NYNRIN: variants seen among roughly 807,000 people sequenced by gnomAD.
NYNRIN encodes protein NYNRIN.
A neutral mutation model predicts 146.6 loss-of-function variants in NYNRIN; 86 were observed. That is an observed-to-expected ratio of 0.59 (90% CI 0.49 to 0.70). NYNRIN has a LOEUF of 0.70. NYNRIN is among the 30% of genes least tolerant of loss of function. The pLI is 0.00. For missense variants in NYNRIN, 2,191 were observed against 2,377.7 expected, an observed-to-expected ratio of 0.92 and a Z score of 1.63; for synonymous variants, 1,027 against 1,001.3, an observed-to-expected ratio of 1.03 and a Z score of -0.48.
At position 24,408,323 on chromosome 14, in the gene NYNRIN, C is replaced by T. The variant is rs544385173; in HGVS notation, c.653C>T (p.Pro218Leu). Residue 218 changes from proline to leucine, a missense_variant, in exon 3 of 9, where the codon CCG becomes CTG. Around this residue, in one of 3 missense-constraint regions of NYNRIN, gnomAD observed 895 missense variants for 941.2 expected, o/e 0.95. Coordinates refer to ENST00000382554, the MANE Select transcript of NYNRIN (RefSeq NM_025081.3). ...RFGISDSHSD[P>L]EVLICPPQQQ... ...GGCATCTCTGACTCCCACTCCGATCCGGAGGTTCTAATCTGCCCTCCCCAG... is the reference window on the plus strand; with the variant it reads ...GGCATCTCTGACTCCCACTCCGATCTGGAGGTTCTAATCTGCCCTCCCCAG... 34 of 1,613,648 alleles carry T rather than the reference C, an allele frequency of 2.1e-5. No homozygotes were observed. Among genetic ancestry groups the T allele is most frequent in the East Asian group, 8.9e-5 (4 of 44,874 alleles).
Position 24,417,189 on chromosome 14 carries a change from A to C in NYNRIN, c.5440A>C (p.Asn1814His), listed in dbSNP as rs760041145. The change falls in exon 9 of 9, where the codon AAC becomes CAC. Residue 1814 changes from asparagine (N) to histidine (H), a missense_variant. This residue lies in a region of NYNRIN where 1,291 missense variants were observed against 1,417.0 expected (regional missense o/e 0.91). Transcript: ENST00000382554. ...VADKASEKAENRRFKRESQEK... is the reference protein window; with the variant it reads ...VADKASEKAEHRRFKRESQEK... ...TGACAAGGCGAGTGAAAAGGCCGAGAACAGGCGTTTCAAGCGGGAGAGCCA... is the reference window on the plus strand; with the variant it reads ...TGACAAGGCGAGTGAAAAGGCCGAGCACAGGCGTTTCAAGCGGGAGAGCCA... The C allele has an allele frequency of 6.2e-7, 1 of 1,613,944 alleles. No individual in the cohort carries two copies. The highest frequency in any genetic ancestry group is 8.5e-7 in the Non-Finnish European group (1 of 1,179,906).
At chr14:24,413,268 T>G (rs755118132) in intron 7 of NYNRIN, 48 bp from the exon 8 acceptor site, 2 of 1,548,270 alleles carry the variant, frequency 1.3e-6, no homozygotes, top group Non-Finnish European at 1.8e-6. Flanking sequence ...AGGGTGTGGG[T>G]GGGTCAAGGG....
chr14:24,410,663 G>A (rs990940874), intron 4 of NYNRIN, among the ~76,000 whole-genome samples: 8 of 152,352 alleles, frequency 5.3e-5, no homozygotes, highest in African/African-American at 1.9e-4. Flanking sequence ...CTGCTGTAGA[G>A]GTGTTAGCAT....
At position 24,409,141 on chromosome 14, in the gene NYNRIN, G is replaced by T; in HGVS notation, c.1347G>T (p.Arg449Ser). Residue 449 changes from arginine to serine, a missense_variant, in exon 4 of 9, where the codon AGG becomes AGT. This residue lies in a region of NYNRIN where 895 missense variants were observed against 941.2 expected (regional missense o/e 0.95). Coordinates refer to ENST00000382554, the MANE Select transcript of NYNRIN (RefSeq NM_025081.3). ...AAGCAGCCCTGCAGAATTGCCCAAG[G>T]CCAGAGATTTCCCCAAAAGTTACGA... ...GGEAALQNCPRPEISPKVTSL... is the reference protein window; with the variant it reads ...GGEAALQNCPSPEISPKVTSL... 6.2e-7 allele frequency: 1 copy of T among 1,613,964 alleles called. No individual in the cohort carries two copies. Among genetic ancestry groups the T allele is most frequent in the Non-Finnish European group, 8.5e-7 (1 of 1,179,890 alleles).
chr14:24,410,864 T>C (rs949096929), intron 4 of NYNRIN, among the ~76,000 whole-genome samples: 2 of 152,134 alleles, frequency 1.3e-5, no homozygotes, highest in Non-Finnish European at 2.9e-5. Flanking sequence ...CACAGGTACA[T>C]GCACACACAC....
chr14:24,410,348 C>A, intron 4 of NYNRIN, 140 bp downstream of exon 4: 1 of 679,830 alleles, frequency 1.5e-6, no homozygotes, highest in Non-Finnish European at 2.4e-6. Context: ...GTGGTCCATC[C>A]ATGTTGAATG....
chr14:24,408,736 C>T lies in NYNRIN; in HGVS notation c.942C>T (p.Asn314=), dbSNP rs1298584877. The T allele has an allele frequency of 1.2e-6, 2 of 1,613,958 alleles. No homozygotes were observed. The highest frequency in any genetic ancestry group is 8.5e-7 in the Non-Finnish European group (1 of 1,179,856). ...CCACCAGCAGCCAGGACTCCACGAA[C>T]CACACACAAGCCTTGTTGAAGCAAA... ...VQATSSQDST[N]HTQALLKQRQ... is the part of the protein sequence containing the mutation. Residue 314 remains asparagine (N), a synonymous_variant, in exon 4 of 9, where the codon AAC becomes AAT. Coordinates refer to ENST00000382554, the MANE Select transcript of NYNRIN (RefSeq NM_025081.3).
intron 2 of NYNRIN, among the ~76,000 whole-genome samples, chr14:24,405,696 T>C (rs1422722168): frequency 6.6e-6 from 1 of 152,232 alleles, no homozygotes; most frequent in Non-Finnish European, 1.5e-5. Context: ...ATCTTGGACA[T>C]ATGGCCTTCC....
At position 24,417,462 on chromosome 14, in the gene NYNRIN, G is replaced by A. The variant is rs1054213206; in HGVS notation, c.*16G>A. On this transcript the variant is annotated 3_prime_UTR_variant, in exon 9 of 9. Coordinates refer to ENST00000382554, the MANE Select transcript of NYNRIN (RefSeq NM_025081.3). Reference sequence around the variant, plus strand: ...GGAGCAGTGAGCGGGAGCAGCGGGGGTGCCCCCTGCCCCAGGGCCGTGGGT... The same window carrying A: ...GGAGCAGTGAGCGGGAGCAGCGGGGATGCCCCCTGCCCCAGGGCCGTGGGT... The A allele has an allele frequency of 2.1e-6, 3 of 1,455,312 alleles. No individual in the cohort carries two copies. Among genetic ancestry groups the A allele is most frequent in the Non-Finnish European group, 2.7e-6 (3 of 1,104,378 alleles). The allele number at this position is 1,455,312 out of a possible 1,614,324, so 90.1% of individuals were successfully genotyped here.
At chr14:24,405,421 T>C (rs2042870537) in intron 2 of NYNRIN, among the ~76,000 whole-genome samples, 1 of 152,236 alleles carries the variant, frequency 6.6e-6, no homozygotes, top group Non-Finnish European at 1.5e-5. Context: ...AATACAGTGC[T>C]CTTTTTCTGT....
Position 24,417,619 on chromosome 14 carries a change from T to A in NYNRIN, c.*173T>A. 2.2e-6 allele frequency: 2 copies of A among 929,144 alleles called. No individual in the cohort carries two copies. The highest frequency in any genetic ancestry group is 2.9e-5 in the East Asian group (1 of 34,420). 57.6% of individuals were successfully genotyped at this position (929,144 alleles called of 1,614,324 possible). A position where few individuals can be genotyped will look rare whatever the true frequency, so the allele number is the denominator to read the frequency against. ...CTTGAACTAGGGACCAGCATCCCCA[T>A]GGAAACATCCCCAGTTTGGGGTACT... On this transcript the variant is annotated 3_prime_UTR_variant, in exon 9 of 9. Coordinates refer to ENST00000382554, the MANE Select transcript of NYNRIN (RefSeq NM_025081.3).
chr14:24,403,039 G>A (rs1003223021), intron 2 of NYNRIN, among the ~76,000 whole-genome samples: 18 of 152,106 alleles, frequency 1.2e-4, no homozygotes, highest in Non-Finnish European at 1.9e-4. Context: ...TCCCATTATC[G>A]TATGTGAGGA....
rs111877721 is a variant in NYNRIN, at chr14:24,409,552, C to A, written c.1758C>A (p.Pro586=). 1 of 1,611,840 alleles carries A rather than the reference C, an allele frequency of 6.2e-7. No homozygotes were observed. The highest frequency in any genetic ancestry group is 1.1e-5 in the South Asian group (1 of 90,674). Residue 586 remains proline (P), a synonymous_variant, in exon 4 of 9, where the codon CCC becomes CCA. Coordinates refer to ENST00000382554, the MANE Select transcript of NYNRIN (RefSeq NM_025081.3). ...CAGTGCACACAGAGCCTGCAGCTCC[C>A]GAAGTGCCTTTGGCTCCAACAAAGC... ...MLAVHTEPAA[P]EVPLAPTKPT... is the part of the protein sequence containing the mutation.
chr14:24,410,949 G>A (rs923212176), intron 4 of NYNRIN, 127 bp from the exon 5 acceptor site: 1 of 1,148,032 alleles, frequency 8.7e-7, no homozygotes, highest in Non-Finnish European at 1.2e-6. Context: ...GAATGTCTGA[G>A]TATGGAGGGA....
chr14:24,416,733 G>A lies in NYNRIN; in HGVS notation c.4984G>A (p.Val1662Met). 6.2e-7 allele frequency: 1 copy of A among 1,613,940 alleles called. No individual in the cohort carries two copies. Among genetic ancestry groups the A allele is most frequent in the African/African-American group, 1.3e-5 (1 of 75,072 alleles). Reference sequence around the variant, plus strand: ...CTACACACACACGGCTGTGGCCCAGGTGCTGCTTCAGCATGTGTTTGCAAG... The same window carrying A: ...CTACACACACACGGCTGTGGCCCAGATGCTGCTTCAGCATGTGTTTGCAAG... The part of the protein sequence containing the change: ...KPYTHTAVAQ[V>M]LLQHVFARWG... Residue 1662 changes from valine to methionine, a missense_variant, in exon 9 of 9, where the codon GTG (valine) becomes ATG (methionine). This residue lies in a region of NYNRIN where 1,291 missense variants were observed against 1,417.0 expected (regional missense o/e 0.91). Transcript: ENST00000382554.
intron 2 of NYNRIN, among the ~76,000 whole-genome samples, chr14:24,405,034 ATGTG>A (rs139348903): frequency 0.088 from 10,597 of 120,162 alleles, 453 homozygotes; most frequent in South Asian, 0.16. Flanking sequence ...GTGTGAGAGA[ATGTG>A]TGTGTGTGAA....
Position 24,411,823 on chromosome 14 carries a change from G to A in NYNRIN, c.2642+373G>A, listed in dbSNP as rs967373527. Among the ~76,000 whole-genome samples the A allele has an allele frequency of 3.9e-5, 6 of 152,180 alleles. No homozygotes were observed. The highest frequency in any genetic ancestry group is 8.8e-5 in the Non-Finnish European group (6 of 68,030). ...TGCTTTAGTCTTTTCCTCCCTCGGAGCCCCGGCACTGGTGGAGGTCTGTGC... is the reference window on the plus strand; with the variant it reads ...TGCTTTAGTCTTTTCCTCCCTCGGAACCCCGGCACTGGTGGAGGTCTGTGC... On this transcript the variant is annotated intron_variant, in intron 6 of 8. Transcript: ENST00000382554. This position sits in a 1 kb window ranked among gnomAD's most constrained non-coding sequence, Gnocchi z 4.3.
rs6573793 is a variant in NYNRIN at position 24,418,823 on chromosome 14, A to G, written c.*1377A>G. 136,924 of 152,456 alleles carry G rather than the reference A, an allele frequency of 0.9. 62,287 individuals carry two copies. Among genetic ancestry groups the G allele is most frequent in the Non-Finnish European group, 0.97 (66,183 of 68,192 alleles). 9.4% of individuals were successfully genotyped at this position (152,456 alleles called of 1,614,324 possible). Reference sequence around the variant, plus strand: ...GAGGAAAGAGGATCACAGAGGGAAAATGATTCACCCAAAGTCACACAGCAA... The same window carrying G: ...GAGGAAAGAGGATCACAGAGGGAAAGTGATTCACCCAAAGTCACACAGCAA... On this transcript the variant is annotated 3_prime_UTR_variant, in exon 9 of 9. Coordinates refer to ENST00000382554, the MANE Select transcript of NYNRIN (RefSeq NM_025081.3).
At chr14:24,407,548 G>C (rs1216589739) in intron 2 of NYNRIN, among the ~76,000 whole-genome samples, 1 of 152,186 alleles carries the variant, frequency 6.6e-6, no homozygotes, top group Non-Finnish European at 1.5e-5. Flanking sequence ...AAGAGACTGC[G>C]GTGCTGAGAA....
Sources: gnomAD v4.1 joint callset for allele counts (sites outside exome capture counted in the v4.1 genomes callset) on GRCh38, gnomAD v4.1.1 for gene constraint, gnomAD v4.1.1 regional missense constraint, Gnocchi (gnomAD v3.1) non-coding constraint, MANE v1.5 for transcripts, NCBI Gene and HGNC (gene_info 2026-07-23, HGNC 2026-07-21) for gene names.